The following SYT1 variants were observed in gnomAD, a reference collection of about 807,000 sequenced individuals.
The protein encoded by SYT1 is synaptotagmin 1.
In SYT1, 8 loss-of-function variants were observed where a neutral mutation model predicts 44.8. The ratio of observed to expected loss-of-function variants is 0.18; its 90% CI spans 0.10 to 0.32. SYT1 has a LOEUF of 0.32. Ranked by LOEUF, SYT1 falls within the 10% of genes least tolerant of loss-of-function variation. SYT1 has a pLI of 1.00. For missense variants in SYT1, 286 were observed against 509.3 expected (o/e 0.56, Z 4.22); for synonymous variants, 154 against 188.8 (o/e 0.82, Z 1.51).
At chr12:79,139,089 G>A (rs902448881) in intron 3 of SYT1, among the ~76,000 whole-genome samples, 5 of 152,228 alleles carry the variant, frequency 3.3e-5, no homozygotes, top group African/African-American at 7.2e-5. Context: ...CACATGTCCC[G>A]TAGCTCTGGC....
chr12:79,351,492 C>CA (rs1377073101), intron 8 of SYT1, among the ~76,000 whole-genome samples: 1 of 151,270 alleles, frequency 6.6e-6, no homozygotes, highest in African/African-American at 2.4e-5. Context: ...GCAACACAAT[C>CA]AGTTCCCCAA....
At chr12:79,277,298 C>T (rs1392347476) in intron 4 of SYT1, among the ~76,000 whole-genome samples, 2 of 152,116 alleles carry the variant, frequency 1.3e-5, no homozygotes, top group Admixed American at 6.5e-5. Context: ...AAAGGAAAAC[C>T]TATTAGACTA....
intron 8 of SYT1, among the ~76,000 whole-genome samples, chr12:79,306,703 A>C (rs1057129234): frequency 2.6e-5 from 4 of 152,254 alleles, no homozygotes; most frequent in Non-Finnish European, 5.9e-5. Flanking sequence ...TATCCAAAGA[A>C]TAAAAGGACC....
At chr12:79,176,618 G>A (rs1002623267) in intron 3 of SYT1, among the ~76,000 whole-genome samples, 1 of 151,962 alleles carries the variant, frequency 6.6e-6, no homozygotes, top group Non-Finnish European at 1.5e-5. Context: ...TCTTGTTGTT[G>A]AGTTCTATAT....
intron 2 of SYT1, among the ~76,000 whole-genome samples, chr12:79,036,778 C>A (rs924491005): frequency 2.0e-5 from 3 of 151,696 alleles, no homozygotes; most frequent in Non-Finnish European, 4.4e-5. Flanking sequence ...TTTCTCATTT[C>A]TCTTTATATA....
At chr12:79,110,087 T>G (rs1478949465) in intron 3 of SYT1, among the ~76,000 whole-genome samples, 1 of 152,196 alleles carries the variant, frequency 6.6e-6, no homozygotes, top group Admixed American at 6.5e-5. Flanking sequence ...TCATCCTAAT[T>G]TCAGTTGTTT....
At chr12:79,097,318 T>G (rs2138032228) in intron 3 of SYT1, among the ~76,000 whole-genome samples, 1 of 152,116 alleles carries the variant, frequency 6.6e-6, no homozygotes, top group East Asian at 1.9e-4. Flanking sequence ...TAGTCCGTCT[T>G]AACTAGTCTG....
At chr12:78,961,676 A>C (rs1440258963) in intron 1 of SYT1, among the ~76,000 whole-genome samples, 2 of 152,156 alleles carry the variant, frequency 1.3e-5, no homozygotes, top group African/African-American at 4.8e-5. Context: ...ATTCTTAGGC[A>C]TTACTAATGA....
chr12:79,346,985 C>T (rs74107432), intron 8 of SYT1, among the ~76,000 whole-genome samples: 3,326 of 151,530 alleles, frequency 0.022, 119 homozygotes, highest in African/African-American at 0.071. Context: ...TAGCAGAAAT[C>T]CAAGTGGGCT....
chr12:79,103,679 T>C (rs1455842056), intron 3 of SYT1, among the ~76,000 whole-genome samples: 5 of 151,812 alleles, frequency 3.3e-5, no homozygotes, highest in African/African-American at 1.2e-4. Context: ...TGGCTTCTAA[T>C]ATTTTTAGGG....
At chr12:79,308,633 AAAG>A (rs1565901577) in intron 8 of SYT1, among the ~76,000 whole-genome samples, 8 of 146,808 alleles carry the variant, frequency 5.4e-5, no homozygotes, top group Admixed American at 2.1e-4. Flanking sequence ...AGAAAGAAAG[AAAG>A]AAAGAAAGAA....
intron 3 of SYT1, among the ~76,000 whole-genome samples, chr12:79,180,709 A>G (rs1374475112): frequency 6.6e-6 from 1 of 152,016 alleles, no homozygotes. Context: ...TGAACTCACT[A>G]TCATGAGGAC....
chr12:79,431,534 T>C (rs1869784942), intron 9 of SYT1, among the ~76,000 whole-genome samples: 1 of 149,116 alleles, frequency 6.7e-6, no homozygotes, highest in Non-Finnish European at 1.5e-5. Context: ...ATTTATTTAT[T>C]TATTTATTTA....
chr12:79,283,239 A>T (rs1201565171), intron 4 of SYT1, among the ~76,000 whole-genome samples: 1 of 152,200 alleles, frequency 6.6e-6, no homozygotes, highest in Non-Finnish European at 1.5e-5. Context: ...TATATTTAAT[A>T]CAGCATATTC....
At chr12:79,350,082 T>G (rs1474118208) in intron 8 of SYT1, among the ~76,000 whole-genome samples, 1 of 152,004 alleles carries the variant, frequency 6.6e-6, no homozygotes, top group Non-Finnish European at 1.5e-5. Flanking sequence ...TTAAATCTGA[T>G]TCAGGGTAAC....
At chr12:79,263,049 C>T (rs1877919449) in intron 4 of SYT1, among the ~76,000 whole-genome samples, 1 of 152,200 alleles carries the variant, frequency 6.6e-6, no homozygotes, top group Non-Finnish European at 1.5e-5. Context: ...TTACTGCCCC[C>T]TCTGCAATGT....
At chr12:79,097,800 C>G (rs551689156) in intron 3 of SYT1, among the ~76,000 whole-genome samples, 1 of 152,096 alleles carries the variant, frequency 6.6e-6, no homozygotes, top group South Asian at 2.1e-4. Flanking sequence ...TTTCAAGTAT[C>G]CTGCTTAGAG....
In SYT1 at chr12:78,913,544, A is replaced by G. The variant is rs557269222; in HGVS notation, c.-217+48435A>G. Among the ~76,000 whole-genome samples the G allele has an allele frequency of 9.9e-5, 15 of 151,996 alleles. No homozygotes were observed. In the South Asian group the frequency reaches 3.1e-3, roughly 32 times the overall value. ...TTCTCCAATTGTTTAACTGAAAAATATCCTGTAATGAGGTCAGTGATTATT... is the reference window on the plus strand; with the variant it reads ...TTCTCCAATTGTTTAACTGAAAAATGTCCTGTAATGAGGTCAGTGATTATT... On this transcript the variant is annotated intron_variant, in intron 1 of 10. Transcript: ENST00000261205.
intron 3 of SYT1, among the ~76,000 whole-genome samples, chr12:79,123,071 T>A (rs1868305828): frequency 1.3e-5 from 2 of 152,226 alleles, no homozygotes; most frequent in African/African-American, 4.8e-5. Context: ...TTAATTCAGT[T>A]ATGATGGAAA....
Sources: allele counts gnomAD v4.1 joint callset (sites outside exome capture counted in the v4.1 genomes callset), GRCh38; gene constraint gnomAD v4.1.1; transcripts MANE v1.5; gene names NCBI Gene and HGNC (gene_info 2026-07-23, HGNC 2026-07-21).